C4orf46: variants seen among roughly 807,000 people sequenced by gnomAD.
C4orf46 encodes the protein renal cancer differentiation gene 1 protein.
A neutral mutation model predicts 9.1 loss-of-function variants in C4orf46; 8 were observed. The observed-to-expected ratio is 0.88, with a 90% confidence interval of 0.52 to 1.59. The LOEUF is 1.59. Among genes scored for constraint, C4orf46 ranks in the 40% most tolerant of loss-of-function variants. C4orf46 has a pLI of 0.00. For missense variants in C4orf46, 151 were observed against 139.1 expected, an observed-to-expected ratio of 1.09 and a Z score of -0.43; for synonymous variants, 51 against 58.8, an observed-to-expected ratio of 0.87 and a Z score of 0.61.
intron 1 of C4orf46, 109 bp from the exon 2 acceptor site, chr4:158,669,877 T>C (rs1014569579): frequency 2.2e-6 from 2 of 893,092 alleles, no homozygotes; most frequent in African/African-American, 3.4e-5. Flanking sequence ...GTTATTTTCT[T>C]TCAAAGTAAT....
Position 158,667,774 on chromosome 4 carries a change from T to G in C4orf46, c.*1839A>C, listed in dbSNP as rs951718709. 1 of 151,930 alleles carries G rather than the reference T, an allele frequency of 6.6e-6. No homozygotes were observed. Among genetic ancestry groups the G allele is most frequent in the Non-Finnish European group, 1.5e-5 (1 of 68,008 alleles). 9.4% of individuals were successfully genotyped at this position (151,930 alleles called of 1,614,324 possible). A position where few individuals can be genotyped will look rare whatever the true frequency, so the allele number is the denominator to read the frequency against. On this transcript the variant is annotated 3_prime_UTR_variant, in exon 2 of 2. Transcript: ENST00000379205. ...TGCATTTGCTCAATATCCTGGTAGT[T>G]ACAAAAGTCAGCACTGTAAAATGCA...
At chr4:158,671,420 G>A (rs550742771) in intron 1 of C4orf46, among the ~76,000 whole-genome samples, 196 bp downstream of exon 1, 23 of 152,330 alleles carry the variant, frequency 1.5e-4, no homozygotes, top group African/African-American at 5.5e-4. Flanking sequence ...AATCTAAAGG[G>A]GGAACCCTCA....
In C4orf46 at chr4:158,668,494, T is replaced by G. The variant is rs1158556842; in HGVS notation, c.*1119A>C. ...CCATATCTACAAAGAATTAAGATGT[T>G]GTATCAAAAATGTCCAGAAGTTATA... On this transcript the variant is annotated 3_prime_UTR_variant, in exon 2 of 2. Transcript: ENST00000379205. The G allele has an allele frequency of 6.6e-6, 1 of 152,562 alleles. No individual in the cohort carries two copies. Among genetic ancestry groups the G allele is most frequent in the African/African-American group, 2.4e-5 (1 of 41,472 alleles). The allele number at this position is 152,562 out of a possible 1,614,324, so 9.5% of individuals were successfully genotyped here. A position where few individuals can be genotyped will look rare whatever the true frequency, so the allele number is the denominator to read the frequency against.
chr4:158,671,928 G>A, upstream of C4orf46: 1 of 741,512 alleles, frequency 1.3e-6, no homozygotes, highest in Non-Finnish European at 2.1e-6. Flanking sequence ...CAGTCTCCTC[G>A]TGGGTCTCAG....
In C4orf46 at chr4:158,671,778, C is replaced by T; in HGVS notation, c.24G>A (p.Gln8=). 3 of 1,550,802 alleles carry T rather than the reference C, an allele frequency of 1.9e-6. No homozygotes were observed. The highest frequency in any genetic ancestry group is 1.7e-6 in the Non-Finnish European group (2 of 1,147,226). Residue 8 remains glutamine, a synonymous_variant, in exon 1 of 2, where the codon CAG becomes CAA. Transcript: ENST00000379205. MADPEEL[Q]VSSPPPPPPS... ...GAGGCGGCGGGGGCGGCGAAGAAAC[C>T]TGCAACTCCTCAGGGTCGGCCATGG...
In C4orf46 at chr4:158,667,939, G is replaced by A. The variant is rs1224645390; in HGVS notation, c.*1674C>T. Reference sequence around the variant, plus strand: ...TTGTATTAAAAATATAAAAACACATGCTATATTATGCCCCCTCTAGTGGTT... The same window carrying A: ...TTGTATTAAAAATATAAAAACACATACTATATTATGCCCCCTCTAGTGGTT... On this transcript the variant is annotated 3_prime_UTR_variant, in exon 2 of 2. Coordinates refer to ENST00000379205, the MANE Select transcript of C4orf46 (RefSeq NM_001008393.4). 1 of 152,154 alleles carries A rather than the reference G, an allele frequency of 6.6e-6. No individual in the cohort carries two copies. The highest frequency in any genetic ancestry group is 6.5e-5 in the Admixed American group (1 of 15,276). The allele number at this position is 152,154 out of a possible 1,614,324, so 9.4% of individuals were successfully genotyped here. A position where few individuals can be genotyped will look rare whatever the true frequency, so the allele number is the denominator to read the frequency against.
chr4:158,669,603 G>T lies in C4orf46; in HGVS notation c.*10C>A, dbSNP rs371769723. Reference sequence around the variant, plus strand: ...ATTGCAGTCATTATTAAACAACGAAGTATGCCAAATCAGTCATCAGGTTTC... The same window carrying T: ...ATTGCAGTCATTATTAAACAACGAATTATGCCAAATCAGTCATCAGGTTTC... On this transcript the variant is annotated 3_prime_UTR_variant, in exon 2 of 2. Transcript: ENST00000379205. The T allele has an allele frequency of 3.1e-6, 5 of 1,611,112 alleles. No individual in the cohort carries two copies. The African/African-American group carries it at 6.7e-5, about 22-fold the overall frequency.
rs966056978 is a variant in C4orf46 at position 158,668,264 on chromosome 4, CAGG to C, written c.*1346_*1348del. 1.6e-4 allele frequency: 24 copies of C among 152,622 alleles called. No individual in the cohort carries two copies. Among genetic ancestry groups the C allele is most frequent in the African/African-American group, 5.8e-4 (24 of 41,508 alleles). The allele number at this position is 152,622 out of a possible 1,614,324, so 9.5% of individuals were successfully genotyped here. On this transcript the variant is annotated 3_prime_UTR_variant, in exon 2 of 2. Transcript: ENST00000379205. Reference sequence around the variant, plus strand: ...TACACATTTTAAAAATTGCAATTTTCAGGAGATGTAAGAAGAATATTTTTCTAA... The same window carrying C: ...TACACATTTTAAAAATTGCAATTTTCAGATGTAAGAAGAATATTTTTCTAA...
chr4:158,667,683 AGAGT>A lies in C4orf46; in HGVS notation c.*1926_*1929del, dbSNP rs973511902. The stretch of plus-strand genomic sequence containing the variant: ...GCCACCACACTCCAGCCTGAGCAAT[AGAGT>A]GAGATCTTGTCTCTTAAAAAAAAAA... On this transcript the variant is annotated 3_prime_UTR_variant, in exon 2 of 2. Transcript: ENST00000379205. The A allele has an allele frequency of 1.8e-4, 28 of 152,114 alleles. No individual in the cohort carries two copies. Among genetic ancestry groups the A allele is most frequent in the African/African-American group, 5.1e-4 (21 of 41,504 alleles). The allele number at this position is 152,114 out of a possible 1,614,324, so 9.4% of individuals were successfully genotyped here.
At position 158,667,879 on chromosome 4, in the gene C4orf46, A is replaced by G. The variant is rs527488707; in HGVS notation, c.*1734T>C. The G allele has an allele frequency of 6.6e-6, 1 of 152,376 alleles. No individual in the cohort carries two copies. Among genetic ancestry groups the G allele is most frequent in the East Asian group, 1.9e-4 (1 of 5,196 alleles). 9.4% of individuals were successfully genotyped at this position (152,376 alleles called of 1,614,324 possible). A position where few individuals can be genotyped will look rare whatever the true frequency, so the allele number is the denominator to read the frequency against. ...TCTGGAAGCTGGCTACCACATATAT[A>G]AAACAATATTTTGTAGCGCTTTTAA... On this transcript the variant is annotated 3_prime_UTR_variant, in exon 2 of 2. Transcript: ENST00000379205.
In C4orf46 at chr4:158,669,614, C is replaced by G. The variant is rs1481695026; in HGVS notation, c.341G>C (p.Ter114SerextTer29). 2 of 1,611,220 alleles carry G rather than the reference C, an allele frequency of 1.2e-6. No individual in the cohort carries two copies. The highest frequency in any genetic ancestry group is 1.7e-6 in the Non-Finnish European group (2 of 1,179,310). ...EGYDSLKPDD[*>S] ...TATTAAACAACGAAGTATGCCAAATCAGTCATCAGGTTTCAAAGAATCATA... is the reference window on the plus strand; with the variant it reads ...TATTAAACAACGAAGTATGCCAAATGAGTCATCAGGTTTCAAAGAATCATA... Residue 114 changes from the stop codon to serine, a stop_lost, in exon 2 of 2, where the codon TGA becomes TCA. Transcript: ENST00000379205.
rs151111929 is a variant in C4orf46 at position 158,667,483 on chromosome 4, A to G, written c.*2130T>C. 124 of 152,346 alleles carry G rather than the reference A, an allele frequency of 8.1e-4. No individual in the cohort carries two copies. Among genetic ancestry groups the G allele is most frequent in the African/African-American group, 2.9e-3 (120 of 41,572 alleles). The allele number at this position is 152,346 out of a possible 1,614,324, so 9.4% of individuals were successfully genotyped here. Reference sequence around the variant, plus strand: ...AAACCAGACTAAAAAAGATAATTGGAACATACATAACAGATCATTAGTATT... The same window carrying G: ...AAACCAGACTAAAAAAGATAATTGGGACATACATAACAGATCATTAGTATT... On this transcript the variant is annotated 3_prime_UTR_variant, in exon 2 of 2. Transcript: ENST00000379205.
rs1773461472 is a variant in C4orf46, at chr4:158,669,547, T to C, written c.*66A>G. ...GAGGTCATCCTATATGTGTGGTACA[T>C]GTACAAAATATGACATAAGAAGTAT... On this transcript the variant is annotated 3_prime_UTR_variant, in exon 2 of 2. Coordinates refer to ENST00000379205, the MANE Select transcript of C4orf46 (RefSeq NM_001008393.4). The C allele has an allele frequency of 6.7e-7, 1 of 1,500,002 alleles. No individual in the cohort carries two copies. The highest frequency in any genetic ancestry group is 1.2e-5 in the South Asian group (1 of 85,670). 92.9% of individuals were successfully genotyped at this position (1,500,002 alleles called of 1,614,324 possible). A position where few individuals can be genotyped will look rare whatever the true frequency, so the allele number is the denominator to read the frequency against.
upstream of C4orf46, chr4:158,671,939 C>A: frequency 1.5e-6 from 1 of 667,368 alleles, no homozygotes; most frequent in South Asian, 2.2e-5. Flanking sequence ...TGGGTCTCAG[C>A]CCCGGACCAC....
In C4orf46 at chr4:158,668,337, GTTTATC is replaced by G. The variant is rs1773433810; in HGVS notation, c.*1270_*1275del. The G allele has an allele frequency of 6.6e-6, 1 of 152,534 alleles. No individual in the cohort carries two copies. Among genetic ancestry groups the G allele is most frequent in the African/African-American group, 2.4e-5 (1 of 41,420 alleles). 9.4% of individuals were successfully genotyped at this position (152,534 alleles called of 1,614,324 possible). On this transcript the variant is annotated 3_prime_UTR_variant, in exon 2 of 2. Transcript: ENST00000379205. Reference sequence around the variant, plus strand: ...TTGGTATAGAAATCACACCCTATGTGTTTATCTTTAACTAAAAAAACTAATCAAGAA... The same window carrying G: ...TTGGTATAGAAATCACACCCTATGTGTTTAACTAAAAAAACTAATCAAGAA...
Position 158,668,612 on chromosome 4 carries a change from C to T in C4orf46, c.*1001G>A, listed in dbSNP as rs1418124526. On this transcript the variant is annotated 3_prime_UTR_variant, in exon 2 of 2. Transcript: ENST00000379205. Reference sequence around the variant, plus strand: ...CAGGATGCAAAATAGAACACTGTCACTAAGATCAAATAATACAAAAAAAAT... The same window carrying T: ...CAGGATGCAAAATAGAACACTGTCATTAAGATCAAATAATACAAAAAAAAT... The T allele has an allele frequency of 6.6e-6, 1 of 152,162 alleles. No homozygotes were observed. The highest frequency in any genetic ancestry group is 2.4e-5 in the African/African-American group (1 of 41,434). 9.4% of individuals were successfully genotyped at this position (152,162 alleles called of 1,614,324 possible).
intron 1 of C4orf46, among the ~76,000 whole-genome samples, chr4:158,670,198 T>C (rs1773491195): frequency 6.6e-6 from 1 of 151,912 alleles, no homozygotes; most frequent in South Asian, 2.1e-4. Context: ...TAATTTTGTA[T>C]TTTTAGTAGA....
chr4:158,669,659 C>T lies in C4orf46; in HGVS notation c.296G>A (p.Arg99Gln), dbSNP rs1335972990. The change falls in exon 2 of 2, where the codon CGG becomes CAG. Residue 99 changes from arginine to glutamine, a missense_variant. By Grantham distance (43) the Arg-to-Gln change is conservative (BLOSUM62 1). Coordinates refer to ENST00000379205, the MANE Select transcript of C4orf46 (RefSeq NM_001008393.4). Reference protein sequence around the residue: ...TENARFLKTWRDLLKEGYDSL... With the variant: ...TENARFLKTWQDLLKEGYDSL... ...ATCATAGCCTTCTTTCAAGAGGTCC[C>T]GCCACGTTTTAAGGAAACGTGCATT... is the stretch of plus-strand genomic sequence containing the variant. 5.6e-6 allele frequency: 9 copies of T among 1,613,898 alleles called. No individual in the cohort carries two copies. The highest frequency in any genetic ancestry group is 3.3e-5 in the Admixed American group (2 of 60,008).
chr4:158,667,587 G>A lies in C4orf46; in HGVS notation c.*2026C>T, dbSNP rs1481032298. ...GAGCAAAAATGCCTGTAATCCCAGT[G>A]CTTTATAGGAGGAGGCGAGATGGGA... On this transcript the variant is annotated 3_prime_UTR_variant, in exon 2 of 2. Coordinates refer to ENST00000379205, the MANE Select transcript of C4orf46 (RefSeq NM_001008393.4). 3 of 152,020 alleles carry A rather than the reference G, an allele frequency of 2.0e-5. No homozygotes were observed. Among genetic ancestry groups the A allele is most frequent in the Non-Finnish European group, 4.4e-5 (3 of 68,014 alleles). The allele number at this position is 152,020 out of a possible 1,614,324, so 9.4% of individuals were successfully genotyped here. A position where few individuals can be genotyped will look rare whatever the true frequency, so the allele number is the denominator to read the frequency against.
Sources: allele counts gnomAD v4.1 joint callset (sites outside exome capture counted in the v4.1 genomes callset), GRCh38; gene constraint gnomAD v4.1.1; transcripts MANE v1.5; gene names NCBI Gene and HGNC (gene_info 2026-07-23, HGNC 2026-07-21).